Variants in DMD observed in about 807,000 individuals in gnomAD.
DMD encodes the protein mutant dystrophin.
A neutral mutation model predicts 330.1 loss-of-function variants in DMD; 63 were observed. The observed-to-expected ratio is 0.19, with a 90% confidence interval of 0.16 to 0.24. DMD has a LOEUF of 0.24. Ranked by LOEUF, DMD falls within the 10% of genes least tolerant of loss-of-function variation. The probability of loss-of-function intolerance (pLI) is 1.00; values close to 1 mark genes in which losing one functional copy is unlikely to be tolerated. For missense variants in DMD, 3,344 were observed against 2,684.1 expected, an observed-to-expected ratio of 1.25 and a Z score of -5.43; for synonymous variants, 1,223 against 959.8, an observed-to-expected ratio of 1.27 and a Z score of -5.07.
intron 44 of DMD, among the ~76,000 whole-genome samples, chrX:32,130,096 C>T (rs1371475370): frequency 9.2e-6 from 1 of 108,780 alleles, no homozygotes; most frequent in Non-Finnish European, 1.9e-5. Context: ...AGGTCAGGGA[C>T]GTCTTTACCA....
intron 60 of DMD, among the ~76,000 whole-genome samples, chrX:31,437,449 G>T (rs776729767): frequency 9.0e-6 from 1 of 111,501 alleles, no homozygotes; most frequent in African/African-American, 3.3e-5. Context: ...ATTTCTGGGG[G>T]CGGATTGGTT....
At chrX:31,685,734 C>T (rs934716979) in intron 52 of DMD, among the ~76,000 whole-genome samples, 2 of 112,061 alleles carry the variant, frequency 1.8e-5, no homozygotes, top group African/African-American at 6.5e-5. Context: ...CCTCAGCTTG[C>T]TAGGTGCGCT....
chrX:32,409,842 T>G (rs2098134425), intron 30 of DMD, among the ~76,000 whole-genome samples: 1 of 111,449 alleles, frequency 9.0e-6, no homozygotes, highest in South Asian at 3.7e-4. Flanking sequence ...ATGTAGTTCT[T>G]CTCAATTCAG....
At chrX:32,194,799 A>C (rs2096991569) in intron 44 of DMD, among the ~76,000 whole-genome samples, 1 of 112,053 alleles carries the variant, frequency 8.9e-6, no homozygotes, top group South Asian at 3.7e-4. Flanking sequence ...GAAAATGGTA[A>C]AGATAGAAAT....
In DMD at chrX:32,699,126, G is replaced by A; in HGVS notation, c.817C>T (p.His273Tyr). ...EEHFQLHHQM[H>Y]YSQQITVSLA... is the part of the protein sequence containing the mutation. ...ACACACTTTACCTGTTGAGAATAGT[G>A]CATTTGATGATGTAACTGAAAATGT... is the stretch of plus-strand genomic sequence containing the variant. The change falls in exon 8 of 79, where the codon CAC becomes TAC. Residue 273 changes from histidine to tyrosine, a missense_variant. Coordinates refer to ENST00000357033, the MANE Select transcript of DMD (RefSeq NM_004006.3). The A allele has an allele frequency of 1.7e-6, 2 of 1,209,383 alleles. No homozygotes were observed. Among genetic ancestry groups the A allele is most frequent in the Non-Finnish European group, 2.2e-6 (2 of 893,580 alleles).
chrX:31,860,375 A>T (rs2093680117), intron 48 of DMD, among the ~76,000 whole-genome samples: 1 of 112,027 alleles, frequency 8.9e-6, no homozygotes, highest in Non-Finnish European at 1.9e-5. Context: ...GAAAATAGAA[A>T]TTGGAACCTT....
chrX:31,473,549 G>A (rs1205951063), intron 59 of DMD, among the ~76,000 whole-genome samples: 12 of 106,043 alleles, frequency 1.1e-4, no homozygotes, highest in East Asian at 3.0e-4. Flanking sequence ...GTGAAACCCC[G>A]TCTCTACTAA....
intron 30 of DMD, among the ~76,000 whole-genome samples, chrX:32,394,995 C>T (rs1473542456): frequency 1.9e-5 from 2 of 104,924 alleles, no homozygotes; most frequent in East Asian, 6.3e-4. Flanking sequence ...TATGTGCTAA[C>T]ACTTTATATA....
chrX:31,419,691 A>G (rs1474613361), intron 60 of DMD, among the ~76,000 whole-genome samples: 1 of 111,791 alleles, frequency 8.9e-6, no homozygotes, highest in African/African-American at 3.3e-5. Flanking sequence ...CATTTTGCAC[A>G]TAAGAGCTGC....
rs375629732 is a variant in DMD at position 31,514,171 on chromosome X, T to A, written c.8218-6718A>T. The stretch of plus-strand genomic sequence containing the variant: ...ACAGATTTGTAGCAGTGGATAGAGA[T>A]GCATCCAATACAACAAGAGAAAACA... On this transcript the variant is annotated intron_variant, in intron 55 of 78. Coordinates refer to ENST00000357033, the MANE Select transcript of DMD (RefSeq NM_004006.3). 2.7e-5 allele frequency among the ~76,000 whole-genome samples: 3 copies of A among 112,116 alleles called. No individual in the cohort carries two copies. The East Asian group carries it at 8.4e-4, about 31-fold the overall frequency.
At chrX:32,809,013 G>A (rs918812291) in intron 7 of DMD, among the ~76,000 whole-genome samples, 1 of 111,804 alleles carries the variant, frequency 8.9e-6, no homozygotes, top group African/African-American at 3.2e-5. Context: ...TCCAACAGAG[G>A]ATCTCCCCAG....
At chrX:31,647,784 C>A (rs1287855399) in intron 54 of DMD, among the ~76,000 whole-genome samples, 1 of 112,541 alleles carries the variant, frequency 8.9e-6, no homozygotes. Flanking sequence ...AACACACTGA[C>A]TGGACACAGA....
chrX:32,972,820 C>T (rs770738828), intron 2 of DMD, among the ~76,000 whole-genome samples: 1 of 111,543 alleles, frequency 9.0e-6, no homozygotes, highest in East Asian at 2.8e-4. Context: ...AATTTAATGC[C>T]TGATTATAAG....
At chrX:31,397,147 T>G (rs987479234) in intron 60 of DMD, among the ~76,000 whole-genome samples, 12 of 112,202 alleles carry the variant, frequency 1.1e-4, no homozygotes, top group African/African-American at 3.9e-4. Flanking sequence ...TTATCATAGC[T>G]AAGAGCACTA....
chrX:32,848,018 A>C (rs755613411), intron 3 of DMD, among the ~76,000 whole-genome samples: 1 of 112,076 alleles, frequency 8.9e-6, no homozygotes, highest in East Asian at 2.8e-4. Context: ...GAAATTCATT[A>C]TCTTAAACAT....
chrX:33,271,331 T>C (rs1381621260), intron 1 of DMD, among the ~76,000 whole-genome samples: 3 of 110,815 alleles, frequency 2.7e-5, no homozygotes, highest in Non-Finnish European at 5.7e-5. Context: ...TTAATGATCC[T>C]TAATTTTACC....
In DMD at chrX:32,385,507, T is replaced by C. The variant is rs1046871139; in HGVS notation, c.4674+803A>G. On this transcript the variant is annotated intron_variant, in intron 33 of 78. Coordinates refer to ENST00000357033, the MANE Select transcript of DMD (RefSeq NM_004006.3). ...GGCAAACATTTTTTTTGGATCTGAC[T>C]CCCAAAGCACAGGCAACAAGAGGAA... is the stretch of plus-strand genomic sequence containing the variant. Among the ~76,000 whole-genome samples, 102 of 110,770 alleles carry C rather than the reference T, an allele frequency of 9.2e-4. 1 individual carries two copies. The highest frequency in any genetic ancestry group is 3.2e-3 in the African/African-American group (97 of 30,655).
At chrX:31,738,748 A>C (rs2087064749) in intron 51 of DMD, among the ~76,000 whole-genome samples, 1 of 112,514 alleles carries the variant, frequency 8.9e-6, no homozygotes, top group Admixed American at 9.4e-5. Flanking sequence ...TCAGCCACAA[A>C]AAAGAATGAG....
chrX:32,743,735 T>C (rs1290199855), intron 7 of DMD, among the ~76,000 whole-genome samples: 1 of 111,205 alleles, frequency 9.0e-6, no homozygotes, highest in East Asian at 2.8e-4. Flanking sequence ...GCTTCCTCTG[T>C]AAAGCATTCT....
Sources: gnomAD v4.1 joint callset for allele counts (sites outside exome capture counted in the v4.1 genomes callset) on GRCh38, gnomAD v4.1.1 for gene constraint, MANE v1.5 for transcripts, NCBI Gene and HGNC (gene_info 2026-07-23, HGNC 2026-07-21) for gene names.